SLC26A8: variants seen among roughly 807,000 people sequenced by gnomAD.
The protein encoded by SLC26A8 is testis anion transporter 1.
SLC26A8 carries 70 observed loss-of-function variants against 105.0 expected under a neutral mutation model. That is an observed-to-expected ratio of 0.67 (90% CI 0.55 to 0.81). The LOEUF (loss-of-function observed/expected upper bound fraction) is 0.81. SLC26A8 is among the 40% of genes least tolerant of loss of function. The pLI is 0.00. For missense variants in SLC26A8, 998 were observed against 1,181.8 expected (o/e 0.84, Z 2.28); for synonymous variants, 415 against 438.3 (o/e 0.95, Z 0.66).
chr6:35,982,262 G>A lies in SLC26A8; in HGVS notation c.943-59C>T, dbSNP rs1160961223. Reference sequence around the variant, plus strand: ...TATGAATACCTAAATATAGTGCATCGCTTCTAGAAGCAGAGTTGCCCATTG... The same window carrying A: ...TATGAATACCTAAATATAGTGCATCACTTCTAGAAGCAGAGTTGCCCATTG... On this transcript the variant is annotated intron_variant, in intron 7 of 19. Transcript: ENST00000490799. 57 of 1,534,832 alleles carry A rather than the reference G, an allele frequency of 3.7e-5. No individual in the cohort carries two copies. In the East Asian group the frequency reaches 4.9e-4, roughly 13 times the overall value.
chr6:35,946,957 T>TAG, intron 19 of SLC26A8, among the ~76,000 whole-genome samples: 1 of 152,142 alleles, frequency 6.6e-6, no homozygotes, highest in East Asian at 1.9e-4. Flanking sequence ...CCCAAAGTGC[T>TAG]GACATTACAG....
chr6:36,020,108 T>TAAG (rs1392081021), intron 1 of SLC26A8, among the ~76,000 whole-genome samples: 11 of 152,246 alleles, frequency 7.2e-5, no homozygotes, highest in Non-Finnish European at 1.5e-4. Context: ...GATGAAGGGT[T>TAAG]AAGTGCTCAA....
intron 7 of SLC26A8, among the ~76,000 whole-genome samples, chr6:35,985,505 C>T (rs369038964): frequency 2.3e-3 from 355 of 151,592 alleles, no homozygotes; most frequent in African/African-American, 5.5e-3. Context: ...CCATCCTGGC[C>T]AACATGGTGA....
At chr6:36,013,636 C>A (rs1761922582) in intron 2 of SLC26A8, among the ~76,000 whole-genome samples, 1 of 152,166 alleles carries the variant, frequency 6.6e-6, no homozygotes, top group South Asian at 2.1e-4. Flanking sequence ...TCATCTAAAA[C>A]AACAGAATCA....
intron 2 of SLC26A8, 93 bp from the exon 3 acceptor site, chr6:36,012,465 A>C (rs900984129): frequency 1.4e-6 from 2 of 1,393,552 alleles, no homozygotes; most frequent in Non-Finnish European, 1.9e-6. Flanking sequence ...AGCCAAGAAA[A>C]AGTAGAGTCT....
At position 35,959,795 on chromosome 6, in the gene SLC26A8, A is replaced by G. The variant is rs534876105; in HGVS notation, c.1650T>C (p.Ile550=). Reference sequence around the variant, plus strand: ...AGCACTGGAAGATTTTCACCCCAGGAATGGTGATGATCTGCAAGACAAAAT... The same window carrying G: ...AGCACTGGAAGATTTTCACCCCAGGGATGGTGATGATCTGCAAGACAAAAT... ...SINDYREIIT[I]PGVKIFQCCS... The change falls in exon 15 of 20, where the codon ATT becomes ATC. Residue 550 remains isoleucine, a synonymous_variant. Coordinates refer to ENST00000490799, the MANE Select transcript of SLC26A8 (RefSeq NM_052961.4). The G allele has an allele frequency of 1.9e-5, 30 of 1,608,008 alleles. No individual in the cohort carries two copies. In the South Asian group the frequency reaches 3.1e-4, roughly 17 times the overall value.
chr6:35,948,472 C>A (rs757940708), intron 19 of SLC26A8, among the ~76,000 whole-genome samples: 6 of 152,014 alleles, frequency 3.9e-5, no homozygotes, highest in African/African-American at 1.4e-4. Context: ...GCCTGTAAGC[C>A]CAGCTACTCA....
At chr6:35,970,010 C>CA (rs1195788982) in intron 10 of SLC26A8, among the ~76,000 whole-genome samples, 3 of 152,224 alleles carry the variant, frequency 2.0e-5, no homozygotes, top group African/African-American at 7.2e-5. Flanking sequence ...GTCTTGAACT[C>CA]ATTATATCCT....
At chr6:35,954,802 G>A in intron 17 of SLC26A8, 1 of 243,642 alleles carries the variant, frequency 4.1e-6, no homozygotes, top group South Asian at 5.3e-5. Context: ...AAAATTAGCA[G>A]GGCGTAGTGA....
chr6:35,999,215 AAGT>A (rs1761450716), intron 4 of SLC26A8, among the ~76,000 whole-genome samples: 1 of 152,152 alleles, frequency 6.6e-6, no homozygotes. Flanking sequence ...AAAAAAGGAA[AAGT>A]AGCACTTCAC....
At chr6:35,962,458 T>C in intron 12 of SLC26A8, 68 bp downstream of exon 12, 1 of 1,284,582 alleles carries the variant, frequency 7.8e-7, no homozygotes, top group Non-Finnish European at 1.1e-6. Flanking sequence ...TCTCTTTTGT[T>C]TGTTCTTTCT....
At chr6:35,996,842 C>G (rs1208933145) in intron 5 of SLC26A8, among the ~76,000 whole-genome samples, 1 of 152,064 alleles carries the variant, frequency 6.6e-6, no homozygotes, top group African/African-American at 2.4e-5. Flanking sequence ...CAAGACCAGC[C>G]TGGCTAACAT....
In SLC26A8 at chr6:35,999,995, T is replaced by C. The variant is rs17713154; in HGVS notation, c.442A>G (p.Ile148Val). ...VIFGSCHQMS[I>V]GSFFLVSALL... ...TGTATTTCAGTGCTGAACTCACCAA[T>C]GGACATTTGATGACACGATCCAAAA... The change falls in exon 4 of 20, where the codon ATT (isoleucine) becomes GTT (valine). Residue 148 changes from isoleucine (I) to valine (V), a missense_variant. By Grantham distance (29) the Ile-to-Val change is conservative (BLOSUM62 3). Transcript: ENST00000490799. 198,268 of 1,603,522 alleles carry C rather than the reference T, an allele frequency of 0.12. 12,982 individuals are homozygous for C. The highest frequency in any genetic ancestry group is 0.17 in the Middle Eastern group (1,013 of 6,042).
chr6:36,004,074 C>CTTTT (rs1184419646), intron 3 of SLC26A8, among the ~76,000 whole-genome samples: 1 of 114,424 alleles, frequency 8.7e-6, no homozygotes. Flanking sequence ...TTTATTTCTG[C>CTTTT]TTTTTTTTTT....
In SLC26A8 at chr6:36,024,416, A is replaced by ATACCTGGG. The variant is rs749122522; in HGVS notation, c.-3+80_-3+87dup. ...CCCACGGCGTGCCTGGCTCTGCGGC[A>ATACCTGGG]TACCTGGGTACCTGCCGGTGACGGA... On this transcript the variant is annotated intron_variant, in intron 1 of 19. Transcript: ENST00000490799. 122 of 450,640 alleles carry ATACCTGGG rather than the reference A, an allele frequency of 2.7e-4. 2 individuals are homozygous for ATACCTGGG. Among genetic ancestry groups the ATACCTGGG allele is most frequent in the South Asian group, 1.9e-3 (121 of 64,380 alleles). 27.9% of individuals were successfully genotyped at this position (450,640 alleles called of 1,614,324 possible).
At chr6:36,006,809 C>T (rs851043) in intron 3 of SLC26A8, among the ~76,000 whole-genome samples, 65,536 of 152,034 alleles carry the variant, frequency 0.43, 14,252 homozygotes, top group South Asian at 0.56. Context: ...TACTCTCATT[C>T]TGAGAATGCA....
chr6:35,955,639 C>G, intron 16 of SLC26A8, 119 bp from the exon 17 acceptor site: 1 of 1,294,440 alleles, frequency 7.7e-7, no homozygotes, highest in Non-Finnish European at 1.1e-6. Flanking sequence ...AAACTTCTCC[C>G]GAGAGTAGGT....
Position 35,968,609 on chromosome 6 carries a change from GTATATATATATATATATATATATATATA to G in SLC26A8, c.1365+240_1365+267del, listed in dbSNP as rs55987809. The stretch of plus-strand genomic sequence containing the variant: ...TGTGTATGTGTGTGTGTGTGTGTGT[GTATATATATATATATATATATATATATA>G]TATATATATATATATATCTCACATC... On this transcript the variant is annotated intron_variant, in intron 11 of 19. Transcript: ENST00000490799. Among the ~76,000 whole-genome samples, 200 of 60,086 alleles carry G rather than the reference GTATATATATATATATATATATATATATA, an allele frequency of 3.3e-3. 4 individuals are homozygous for G. The highest frequency in any genetic ancestry group is 9.9e-3 in the African/African-American group (192 of 19,388). The allele number at this position is 60,086 out of a possible 152,430, so 39.4% of individuals were successfully genotyped here.
At chr6:35,975,671 T>C (rs919003110) in intron 9 of SLC26A8, among the ~76,000 whole-genome samples, 183 bp from the exon 10 acceptor site, 1 of 152,006 alleles carries the variant, frequency 6.6e-6, no homozygotes, top group Non-Finnish European at 1.5e-5. Context: ...CTCAACACTT[T>C]AGGAGGCTGA....
Sources: allele counts gnomAD v4.1 joint callset (sites outside exome capture counted in the v4.1 genomes callset), GRCh38; gene constraint gnomAD v4.1.1; transcripts MANE v1.5; gene names NCBI Gene and HGNC (gene_info 2026-07-23, HGNC 2026-07-21).